CEP85L: variants seen among roughly 807,000 people sequenced by gnomAD.
CEP85L encodes the protein centrosomal protein 85L.
CEP85L carries 60 observed loss-of-function variants against 100.3 expected under a neutral mutation model. The observed-to-expected ratio is 0.60, with a 90% CI of 0.49 to 0.74. CEP85L has a LOEUF of 0.74. CEP85L is among the 30% of genes least tolerant of loss of function. The probability of loss-of-function intolerance (pLI) is 0.00; values close to 1 mark genes in which losing one functional copy is unlikely to be tolerated. For synonymous variants in CEP85L, 319 were observed against 322.7 expected, an observed-to-expected ratio of 0.99 and a Z score of 0.12; for missense variants, 973 against 936.2, an observed-to-expected ratio of 1.04 and a Z score of -0.51.
intron 2 of CEP85L, chr6:118,589,714 G>C (rs1562288660): frequency 3.9e-6 from 1 of 257,130 alleles, no homozygotes; most frequent in African/African-American, 2.3e-5. Context: ...GGGCATGGCT[G>C]CGAACCCCTC....
intron 3 of CEP85L, among the ~76,000 whole-genome samples, chr6:118,534,202 G>T (rs1022223151): frequency 2.0e-5 from 3 of 151,902 alleles, no homozygotes; most frequent in African/African-American, 7.3e-5. Context: ...ACAATTCAGG[G>T]TCAATTTTTT....
intron 2 of CEP85L, among the ~76,000 whole-genome samples, chr6:118,630,805 G>A (rs61344747): frequency 0.011 from 1,697 of 152,348 alleles, 43 homozygotes; most frequent in African/African-American, 0.039. Flanking sequence ...GTGGCTGCAG[G>A]TGAGTGAGGG....
At chr6:118,493,148 G>A (rs572370233) in intron 5 of CEP85L, among the ~76,000 whole-genome samples, 1 of 152,242 alleles carries the variant, frequency 6.6e-6, no homozygotes, top group South Asian at 2.1e-4. Context: ...TGGAGAGGTG[G>A]CTTTTGAGAC....
At chr6:118,647,233 T>C (rs1775260698) in intron 1 of CEP85L, 2 of 189,294 alleles carry the variant, frequency 1.1e-5, no homozygotes, top group African/African-American at 4.7e-5. Flanking sequence ...AAGAGGTAAA[T>C]GTAAAGCTCA....
intron 4 of CEP85L, among the ~76,000 whole-genome samples, chr6:118,516,255 T>C (rs1394028344): frequency 1.3e-5 from 2 of 152,190 alleles, no homozygotes; most frequent in African/African-American, 2.4e-5. Flanking sequence ...TATAATCCTT[T>C]GGGTATATAC....
intron 3 of CEP85L, among the ~76,000 whole-genome samples, chr6:118,561,749 T>C (rs1779236123): frequency 6.6e-6 from 1 of 152,148 alleles, no homozygotes; most frequent in Non-Finnish European, 1.5e-5. Flanking sequence ...TTACAATTGA[T>C]ACTAACGATA....
At chr6:118,507,568 T>C (rs1436647762) in intron 5 of CEP85L, among the ~76,000 whole-genome samples, 1 of 152,206 alleles carries the variant, frequency 6.6e-6, no homozygotes, top group Non-Finnish European at 1.5e-5. Flanking sequence ...AGGTCATTGA[T>C]ATCACTCGGC....
In CEP85L at chr6:118,521,002, A is replaced by T. The variant is rs144351922; in HGVS notation, c.1139+2800T>A. Among the ~76,000 whole-genome samples the T allele has an allele frequency of 3.7e-3, 566 of 152,298 alleles. 3 individuals are homozygous for T. Among genetic ancestry groups the T allele is most frequent in the African/African-American group, 0.013 (540 of 41,562 alleles). On this transcript the variant is annotated intron_variant, in intron 4 of 12. Transcript: ENST00000368491. ...TAATAATCCAGTCTCCTCCTATGAA[A>T]GTTATACGCAGTGTGAAAAAAAACA...
chr6:118,669,527 CT>C (rs1309759315), intron 1 of CEP85L, among the ~76,000 whole-genome samples: 1 of 152,092 alleles, frequency 6.6e-6, no homozygotes, highest in African/African-American at 2.4e-5. Context: ...TAAACATTTC[CT>C]TCTGGAAATA....
chr6:118,547,877 T>C (rs908103691), intron 3 of CEP85L, among the ~76,000 whole-genome samples: 48 of 152,242 alleles, frequency 3.2e-4, no homozygotes, highest in African/African-American at 1.1e-3. Flanking sequence ...GCTAACATTA[T>C]GAAGACACGT....
intron 2 of CEP85L, among the ~76,000 whole-genome samples, chr6:118,613,047 C>T (rs943552342): frequency 1.3e-5 from 2 of 151,378 alleles, no homozygotes; most frequent in Non-Finnish European, 3.0e-5. Flanking sequence ...GGAGAAATCC[C>T]CTCTACTAAA....
intron 10 of CEP85L, among the ~76,000 whole-genome samples, chr6:118,479,321 T>C (rs1387666743): frequency 1.3e-5 from 2 of 152,132 alleles, no homozygotes; most frequent in Non-Finnish European, 2.9e-5. Flanking sequence ...CAGCAAAAGA[T>C]GACCAATGAC....
At chr6:118,704,507 C>T (rs923464991) in intron 1 of CEP85L, among the ~76,000 whole-genome samples, 2 of 152,150 alleles carry the variant, frequency 1.3e-5, no homozygotes, top group African/African-American at 2.4e-5. Context: ...CTTGCACTGT[C>T]GCCCAGGTTG....
chr6:118,482,716 G>C (rs190465325), intron 7 of CEP85L, among the ~76,000 whole-genome samples: 6 of 152,256 alleles, frequency 3.9e-5, no homozygotes, highest in African/African-American at 1.2e-4. Flanking sequence ...TGGATGTTAG[G>C]TATTTTCTGA....
intron 3 of CEP85L, among the ~76,000 whole-genome samples, chr6:118,562,935 T>G (rs541442): frequency 0.22 from 32,785 of 152,000 alleles, 4,659 homozygotes; most frequent in East Asian, 0.61. Flanking sequence ...TTATCCTCCA[T>G]CCCTTCCACC....
intron 1 of CEP85L, among the ~76,000 whole-genome samples, chr6:118,665,513 C>T (rs1451788292): frequency 2.6e-5 from 4 of 151,982 alleles, no homozygotes; most frequent in Non-Finnish European, 5.9e-5. Context: ...TGTGTGCCAC[C>T]ACGCCTGGCT....
At chr6:118,543,436 T>C (rs1778022520) in intron 3 of CEP85L, among the ~76,000 whole-genome samples, 1 of 152,054 alleles carries the variant, frequency 6.6e-6, no homozygotes, top group Admixed American at 6.6e-5. Flanking sequence ...TGTGTAGAGC[T>C]TAAAAAAATC....
intron 2 of CEP85L, among the ~76,000 whole-genome samples, chr6:118,587,197 T>G (rs986423328): frequency 1.3e-5 from 2 of 152,190 alleles, no homozygotes; most frequent in Non-Finnish European, 2.9e-5. Flanking sequence ...GGCTTTACCT[T>G]TAACCCTTAA....
At chr6:118,558,658 CACAGAGAG>C (rs1453084572) in intron 3 of CEP85L, among the ~76,000 whole-genome samples, 47 of 124,982 alleles carry the variant, frequency 3.8e-4, no homozygotes, top group South Asian at 3.1e-3. Context: ...CACACACACA[CACAGAGAG>C]AGAGAGAGAG....
Sources: allele counts gnomAD v4.1 joint callset (sites outside exome capture counted in the v4.1 genomes callset), GRCh38; gene constraint gnomAD v4.1.1; transcripts MANE v1.5; gene names NCBI Gene and HGNC (gene_info 2026-07-23, HGNC 2026-07-21).